Variants in TLL1 observed in about 807,000 individuals in gnomAD.
TLL1 encodes the protein tolloid like 1.
TLL1 carries 49 observed loss-of-function variants against 128.2 expected under a neutral mutation model. The ratio of observed to expected loss-of-function variants is 0.38; its 90% CI spans 0.30 to 0.48. TLL1 has a LOEUF of 0.48. TLL1 is among the 20% of genes least tolerant of loss of function. TLL1 has a pLI of 0.96. For missense variants in TLL1, 1,123 were observed against 1,242.0 expected (o/e 0.90, Z 1.44); for synonymous variants, 454 against 418.8 (o/e 1.08, Z -1.03).
chr4:166,014,265 T>A (rs540301167), intron 7 of TLL1, among the ~76,000 whole-genome samples, 171 bp from the exon 8 acceptor site: 2 of 152,100 alleles, frequency 1.3e-5, no homozygotes, highest in South Asian at 4.1e-4. Context: ...TAACATGCTT[T>A]TTTTTCTACT....
chr4:166,089,863 C>A (rs1741684584), intron 18 of TLL1, among the ~76,000 whole-genome samples: 1 of 151,978 alleles, frequency 6.6e-6, no homozygotes, highest in Admixed American at 6.6e-5. Context: ...CGTTAAGTAA[C>A]TCCATTCCTT....
chr4:166,070,336 G>GA (rs1208159802), intron 16 of TLL1, among the ~76,000 whole-genome samples: 3 of 151,830 alleles, frequency 2.0e-5, no homozygotes, highest in East Asian at 3.9e-4. Flanking sequence ...CTTTATACCT[G>GA]AAAAAAATAG....
intron 5 of TLL1, among the ~76,000 whole-genome samples, chr4:166,001,349 A>C (rs915068515): frequency 1.6e-4 from 24 of 152,148 alleles, no homozygotes; most frequent in African/African-American, 5.8e-4. Flanking sequence ...ATGCCATTTA[A>C]AATTTATTTT....
chr4:166,099,514 T>A lies in TLL1; in HGVS notation c.2894T>A (p.Phe965Tyr), dbSNP rs1266108956. ...TCAACAGCTGTGGGGCTTGGTCGAT[T>A]CTGTGGATCCGGGGTAAATATACCA... ...LDSTAVGLGR[F>Y]CGSGPPEEIY... Residue 965 changes from phenylalanine (F) to tyrosine (Y), a missense_variant, in exon 20 of 21, where the codon TTC (phenylalanine) becomes TAC (tyrosine). Transcript: ENST00000061240. The A allele has an allele frequency of 6.2e-7, 1 of 1,613,252 alleles. No individual in the cohort carries two copies. The highest frequency in any genetic ancestry group is 8.5e-7 in the Non-Finnish European group (1 of 1,179,544).
intron 9 of TLL1, among the ~76,000 whole-genome samples, chr4:166,029,389 C>CT (rs1358507374): frequency 6.6e-6 from 1 of 151,766 alleles, no homozygotes; most frequent in Admixed American, 6.6e-5. Flanking sequence ...TTGTTGATAC[C>CT]TTTTTTTAAT....
chr4:165,973,966 A>G (rs956522730), intron 1 of TLL1, among the ~76,000 whole-genome samples: 2 of 150,798 alleles, frequency 1.3e-5, no homozygotes, highest in African/African-American at 4.9e-5. Flanking sequence ...GTGCCCAACC[A>G]GCGTTAGTTC....
At chr4:165,914,504 CA>C (rs1732691499) in intron 1 of TLL1, among the ~76,000 whole-genome samples, 1 of 152,212 alleles carries the variant, frequency 6.6e-6, no homozygotes, top group South Asian at 2.1e-4. Context: ...TGGATATTGA[CA>C]ATGTCCTTGT....
At chr4:165,959,800 G>A (rs897363219) in intron 1 of TLL1, among the ~76,000 whole-genome samples, 8 of 152,002 alleles carry the variant, frequency 5.3e-5, no homozygotes, top group Non-Finnish European at 5.9e-5. Context: ...TAGTGAAAAC[G>A]GAGACACAAC....
rs139737513 is a variant in TLL1, at chr4:166,065,701, G to C, written c.2026G>C (p.Val676Leu). 2.5e-6 allele frequency: 4 copies of C among 1,612,818 alleles called. No homozygotes were observed. The highest frequency in any genetic ancestry group is 2.5e-6 in the Non-Finnish European group (3 of 1,179,250). The change falls in exon 16 of 21, where the codon GTG (valine) becomes CTG (leucine). Residue 676 changes from valine (V) to leucine (L), a missense_variant. Val to Leu is a conservative substitution (Grantham distance 32). Around this residue, in one of 3 missense-constraint regions of TLL1, gnomAD observed 634 missense variants for 672.4 expected, o/e 0.94. Transcript: ENST00000061240. Reference protein sequence around the residue: ...EGNEVCKYDYVEIWSGLSSES... With the variant: ...EGNEVCKYDYLEIWSGLSSES... ...TTTCTAGGTTTGCAAATATGATTAT[G>C]TGGAGATCTGGAGTGGTCTTTCCTC...
chr4:165,996,591 T>G (rs902804386), intron 5 of TLL1, among the ~76,000 whole-genome samples: 9 of 133,828 alleles, frequency 6.7e-5, no homozygotes, highest in African/African-American at 2.7e-4. Flanking sequence ...AGAGGAAGAC[T>G]CCATCTCAAA....
At chr4:165,899,503 T>C (rs1731850386) in intron 1 of TLL1, among the ~76,000 whole-genome samples, 1 of 152,076 alleles carries the variant, frequency 6.6e-6, no homozygotes, top group Admixed American at 6.6e-5. Flanking sequence ...CAGGAGGAGG[T>C]TGTTCTGTTT....
intron 1 of TLL1, among the ~76,000 whole-genome samples, chr4:165,969,470 T>C (rs1041265216): frequency 2.0e-5 from 3 of 152,152 alleles, no homozygotes; most frequent in Non-Finnish European, 4.4e-5. Context: ...TAAGTATTTA[T>C]ACGTACACAC....
chr4:166,076,860 C>G (rs1249834287), intron 17 of TLL1, among the ~76,000 whole-genome samples: 1 of 152,134 alleles, frequency 6.6e-6, no homozygotes, highest in Non-Finnish European at 1.5e-5. Context: ...CTGTGGAAAC[C>G]TAGCACAATT....
intron 19 of TLL1, among the ~76,000 whole-genome samples, chr4:166,092,691 G>A (rs971640743): frequency 6.6e-6 from 1 of 151,790 alleles, no homozygotes; most frequent in Admixed American, 6.6e-5. Context: ...TGTCAAAACT[G>A]TTTAAATAGC....
rs778405302 is a variant in TLL1 at position 166,042,062 on chromosome 4, A to T, written c.1297A>T (p.Thr433Ser). ...FCGDKLPEVL[T>S]STDSRMWIEF... ...TGGGGACAAATTGCCTGAAGTTCTT[A>T]CTTCTACAGACAGCAGAATGTGGAT... Residue 433 changes from threonine to serine, a missense_variant, in exon 11 of 21, where the codon ACT becomes TCT. Around this residue, in one of 3 missense-constraint regions of TLL1, gnomAD observed 480 missense variants for 542.4 expected, o/e 0.89. Transcript: ENST00000061240. The T allele has an allele frequency of 8.1e-6, 13 of 1,612,260 alleles. No homozygotes were observed. The highest frequency in any genetic ancestry group is 1.0e-5 in the Non-Finnish European group (12 of 1,178,574).
At chr4:165,891,238 C>G (rs1052861382) in intron 1 of TLL1, among the ~76,000 whole-genome samples, 3 of 152,128 alleles carry the variant, frequency 2.0e-5, no homozygotes, top group Admixed American at 2.0e-4. Flanking sequence ...CTCTGACATG[C>G]CCTGGAGACA....
At chr4:166,068,799 T>G (rs779810859) in intron 16 of TLL1, among the ~76,000 whole-genome samples, 3 of 151,880 alleles carry the variant, frequency 2.0e-5, no homozygotes, top group Non-Finnish European at 4.4e-5. Flanking sequence ...ATGCACTTTG[T>G]GGACTCTTCT....
At chr4:166,088,408 C>T (rs1164715433) in intron 18 of TLL1, among the ~76,000 whole-genome samples, 1 of 151,966 alleles carries the variant, frequency 6.6e-6, no homozygotes, top group Admixed American at 6.6e-5. Flanking sequence ...ATTTCTATGG[C>T]CTGGAAATAT....
At chr4:165,881,880 G>GCA (rs1730982720) in intron 1 of TLL1, among the ~76,000 whole-genome samples, 1 of 152,136 alleles carries the variant, frequency 6.6e-6, no homozygotes, top group African/African-American at 2.4e-5. Flanking sequence ...CCTGCTGCTG[G>GCA]CACAGGCTCT....
Sources: gnomAD v4.1 joint callset for allele counts (sites outside exome capture counted in the v4.1 genomes callset) on GRCh38, gnomAD v4.1.1 for gene constraint, gnomAD v4.1.1 regional missense constraint, MANE v1.5 for transcripts, NCBI Gene and HGNC (gene_info 2026-07-23, HGNC 2026-07-21) for gene names.